The following ASXL3 variants were observed in gnomAD, a reference collection of about 807,000 sequenced individuals.
ASXL3 encodes the protein ASXL transcriptional regulator 3.
A neutral mutation model predicts 170.6 loss-of-function variants in ASXL3; 34 were observed. The ratio of observed to expected loss-of-function variants is 0.20; its 90% CI spans 0.15 to 0.27. The LOEUF (loss-of-function observed/expected upper bound fraction) is 0.27, where lower values mean the gene tolerates loss of function less well. Ranked by LOEUF, ASXL3 falls within the 10% of genes least tolerant of loss-of-function variation. ASXL3 has a pLI of 1.00. For missense variants in ASXL3, 2,592 were observed against 2,695.3 expected (o/e 0.96, Z 0.85); for synonymous variants, 1,002 against 989.1 (o/e 1.01, Z -0.24).
chr18:33,715,684 TAAATC>T (rs1458228668), intron 8 of ASXL3, among the ~76,000 whole-genome samples: 3 of 152,210 alleles, frequency 2.0e-5, no homozygotes, highest in East Asian at 3.9e-4. Flanking sequence ...GATAATGTTT[TAAATC>T]AAATATCTAC....
intron 4 of ASXL3, among the ~76,000 whole-genome samples, chr18:33,656,115 C>A (rs1294067031): frequency 1.3e-5 from 2 of 152,036 alleles, no homozygotes; most frequent in Non-Finnish European, 2.9e-5. Context: ...TCTAAGACCC[C>A]GCCCTCTATT....
chr18:33,701,658 G>T (rs1282899994), intron 8 of ASXL3, among the ~76,000 whole-genome samples: 1 of 151,892 alleles, frequency 6.6e-6, no homozygotes, highest in Non-Finnish European at 1.5e-5. Flanking sequence ...GCTGTTTTCA[G>T]AATTTTATCC....
intron 2 of ASXL3, among the ~76,000 whole-genome samples, chr18:33,643,436 T>C (rs781038988): frequency 8.4e-4 from 128 of 152,002 alleles, no homozygotes; most frequent in African/African-American, 3.0e-3. Flanking sequence ...ATTGTTTCCA[T>C]GTGTACTTTA....
intron 2 of ASXL3, chr18:33,641,868 A>C (rs1049112093): frequency 1.3e-5 from 2 of 152,500 alleles, no homozygotes; most frequent in African/African-American, 4.8e-5. Context: ...TAAAACTTGG[A>C]TGTTTTATTA....
rs2067867603 is a variant in ASXL3 at position 33,750,509 on chromosome 18, A to G, written c.*3914A>G. ...CCCCTCCTTCCCCTGCTTCATGGAA[A>G]CCTGATATGATACATATTTTCAGTA... On this transcript the variant is annotated 3_prime_UTR_variant, in exon 12 of 12. Coordinates refer to ENST00000269197, the MANE Select transcript of ASXL3 (RefSeq NM_030632.3). 1 of 148,232 alleles carries G rather than the reference A, an allele frequency of 6.7e-6. No homozygotes were observed. The highest frequency in any genetic ancestry group is 2.5e-5 in the African/African-American group (1 of 40,196). The allele number at this position is 148,232 out of a possible 1,614,324, so 9.2% of individuals were successfully genotyped here.
At position 33,739,228 on chromosome 18, in the gene ASXL3, C is replaced by A; in HGVS notation, c.1824C>A (p.Ile608=). The part of the protein sequence containing the change: ...PEEQLSENAC[I]SETSFSSESP... ...AACAGCTTTCAGAAAATGCCTGCAT[C>A]TCTGAAACGTCCTTTTCTTCTGAGA... Residue 608 remains isoleucine (I), a synonymous_variant, in exon 11 of 12, where the codon ATC becomes ATA. Transcript: ENST00000269197. 6.2e-7 allele frequency: 1 copy of A among 1,613,874 alleles called. No individual in the cohort carries two copies. The highest frequency in any genetic ancestry group is 8.5e-7 in the Non-Finnish European group (1 of 1,179,842).
intron 7 of ASXL3, among the ~76,000 whole-genome samples, chr18:33,681,130 T>C (rs1056063594): frequency 3.3e-5 from 5 of 152,110 alleles, no homozygotes; most frequent in Non-Finnish European, 5.9e-5. Flanking sequence ...CAGAGTTTTA[T>C]AGTGCTCTCA....
At position 33,578,458 on chromosome 18, in the gene ASXL3, C is replaced by CCACCCGCCGCCGCCGCCGCCG. The variant is rs1472191453; in HGVS notation, c.-173_-172insACCCGCCGCCGCCGCCGCCGC. 2.2e-5 allele frequency: 2 copies of CCACCCGCCGCCGCCGCCGCCG among 92,230 alleles called. No individual in the cohort carries two copies. Among genetic ancestry groups the CCACCCGCCGCCGCCGCCGCCG allele is most frequent in the African/African-American group, 1.2e-4 (2 of 16,634 alleles). The allele number at this position is 92,230 out of a possible 1,614,324, so 5.7% of individuals were successfully genotyped here. ...CCACCCCCTCGCTCCATCCCTCCCA[C>CCACCCGCCGCCGCCGCCGCCG]CCGCCGCCGCCGCCGCCGCCGCCGC... On this transcript the variant is annotated 5_prime_UTR_variant, in exon 1 of 12. Coordinates refer to ENST00000269197, the MANE Select transcript of ASXL3 (RefSeq NM_030632.3).
At position 33,745,842 on chromosome 18, in the gene ASXL3, AGGT is replaced by A; in HGVS notation, c.5996_5998del (p.Gly1999del). The A allele has an allele frequency of 1.2e-6, 2 of 1,613,978 alleles. No individual in the cohort carries two copies. The highest frequency in any genetic ancestry group is 1.7e-6 in the Non-Finnish European group (2 of 1,179,906). On this transcript the variant is annotated inframe_deletion, in exon 12 of 12. Coordinates refer to ENST00000269197, the MANE Select transcript of ASXL3 (RefSeq NM_030632.3). Reference sequence around the variant, plus strand: ...TATCCCCCAATATGCCCATGAAAGAAGGTGATGAGGTGGGAGGCACTGCACACA... The same window carrying A: ...TATCCCCCAATATGCCCATGAAAGAAGATGAGGTGGGAGGCACTGCACACA...
chr18:33,662,068 A>G (rs1308364377), intron 5 of ASXL3, among the ~76,000 whole-genome samples: 3 of 152,182 alleles, frequency 2.0e-5, no homozygotes, highest in African/African-American at 4.8e-5. Flanking sequence ...AAAAAATAAC[A>G]TCTATGTTTT....
At chr18:33,693,748 C>A (rs1025289200) in intron 8 of ASXL3, among the ~76,000 whole-genome samples, 3 of 152,108 alleles carry the variant, frequency 2.0e-5, no homozygotes, top group Admixed American at 6.6e-5. Flanking sequence ...ATGCATTTAT[C>A]TTGGTAACAC....
At chr18:33,661,055 A>G (rs2066165786) in intron 4 of ASXL3, among the ~76,000 whole-genome samples, 1 of 152,176 alleles carries the variant, frequency 6.6e-6, no homozygotes, top group Admixed American at 6.5e-5. Flanking sequence ...CAAAATAATT[A>G]TCTTGAATTG....
At chr18:33,589,563 T>C (rs1236901868) in intron 1 of ASXL3, among the ~76,000 whole-genome samples, 1 of 152,202 alleles carries the variant, frequency 6.6e-6, no homozygotes, top group African/African-American at 2.4e-5. Flanking sequence ...AAAAAAGGCT[T>C]GCTCTGACTT....
rs754444566 is a variant in ASXL3 at position 33,746,297 on chromosome 18, T to C, written c.6449T>C (p.Leu2150Pro). 2.5e-6 allele frequency: 4 copies of C among 1,614,018 alleles called. No homozygotes were observed. The East Asian group carries it at 8.9e-5, about 36-fold the overall frequency. Residue 2150 changes from leucine to proline, a missense_variant, in exon 12 of 12, where the codon CTC (leucine) becomes CCC (proline). Physicochemically the swap from Leu to Pro is moderately conservative, Grantham distance 98. Coordinates refer to ENST00000269197, the MANE Select transcript of ASXL3 (RefSeq NM_030632.3). The stretch of plus-strand genomic sequence containing the variant: ...ATGCAGGTGCAGCAACAACAGCAGC[T>C]CTGTGGAAATTATCCAACAATACAC... ...QKMQVQQQQQ[L>P]CGNYPTIHFG...
At chr18:33,710,247 G>T (rs2067033237) in intron 8 of ASXL3, among the ~76,000 whole-genome samples, 1 of 152,136 alleles carries the variant, frequency 6.6e-6, no homozygotes, top group African/African-American at 2.4e-5. Flanking sequence ...GGCAACAAGA[G>T]CAAAACTCCG....
intron 8 of ASXL3, among the ~76,000 whole-genome samples, chr18:33,716,577 G>A (rs1048552432): frequency 1.3e-5 from 2 of 152,120 alleles, no homozygotes; most frequent in African/African-American, 4.8e-5. Context: ...TATGTTTTAG[G>A]ATTTTTGTGT....
chr18:33,661,017 C>T (rs190773405), intron 4 of ASXL3, among the ~76,000 whole-genome samples: 1 of 152,224 alleles, frequency 6.6e-6, no homozygotes, highest in East Asian at 1.9e-4. Context: ...AGCAGTTGTA[C>T]TGTAATCTGT....
intron 8 of ASXL3, among the ~76,000 whole-genome samples, chr18:33,685,501 C>A (rs1325518334): frequency 2.6e-5 from 4 of 152,196 alleles, no homozygotes; most frequent in Non-Finnish European, 5.9e-5. Context: ...TCCACTTCAA[C>A]ACAGGTGTAG....
chr18:33,616,342 T>C (rs1430579778), intron 2 of ASXL3, among the ~76,000 whole-genome samples: 1 of 152,010 alleles, frequency 6.6e-6, no homozygotes, highest in East Asian at 1.9e-4. Context: ...ATTTTTTTCA[T>C]GATATGAAAA....
Sources: gnomAD v4.1 joint callset for allele counts (sites outside exome capture counted in the v4.1 genomes callset) on GRCh38, gnomAD v4.1.1 for gene constraint, MANE v1.5 for transcripts, NCBI Gene and HGNC (gene_info 2026-07-23, HGNC 2026-07-21) for gene names.